Variants in AGMO observed in about 807,000 individuals in gnomAD.
AGMO encodes alkylglycerol monooxygenase.
A neutral mutation model predicts 60.2 loss-of-function variants in AGMO; 75 were observed. The ratio of observed to expected loss-of-function variants is 1.25; its 90% confidence interval spans 1.03 to 1.51. The LOEUF (loss-of-function observed/expected upper bound fraction) is 1.51. Ranked by LOEUF, AGMO falls within the 40% of genes most tolerant of loss-of-function variation. The probability of loss-of-function intolerance (pLI) is 0.00; values close to 1 mark genes in which losing one functional copy is unlikely to be tolerated. For synonymous variants in AGMO, 261 were observed against 177.1 expected (o/e 1.47, Z -3.76); for missense variants, 763 against 525.5 (o/e 1.45, Z -4.42).
intron 3 of AGMO, among the ~76,000 whole-genome samples, chr7:15,473,918 G>C (rs1426558179): frequency 1.1e-4 from 16 of 151,988 alleles, no homozygotes; most frequent in Admixed American, 1.1e-3. Context: ...TAGTCAATCA[G>C]AGAGCTAAAT....
At chr7:15,415,553 TATC>T (rs1562495743) in intron 5 of AGMO, among the ~76,000 whole-genome samples, 2 of 151,878 alleles carry the variant, frequency 1.3e-5, no homozygotes, top group Non-Finnish European at 1.5e-5. Flanking sequence ...GAAAAAAAAA[TATC>T]ATTGAATCAT....
At chr7:15,262,463 T>TGA (rs1451071678) in intron 12 of AGMO, among the ~76,000 whole-genome samples, 1 of 151,992 alleles carries the variant, frequency 6.6e-6, no homozygotes, top group African/African-American at 2.4e-5. Flanking sequence ...AAGACACTGC[T>TGA]GAAATAAATC....
chr7:15,540,694 G>A (rs1583665798), intron 3 of AGMO, among the ~76,000 whole-genome samples: 1 of 152,160 alleles, frequency 6.6e-6, no homozygotes, highest in Non-Finnish European at 1.5e-5. Flanking sequence ...GTTAAAAACT[G>A]TATAAGGTCA....
At chr7:15,239,226 A>T (rs1443203001) in intron 12 of AGMO, among the ~76,000 whole-genome samples, 2 of 152,132 alleles carry the variant, frequency 1.3e-5, no homozygotes, top group African/African-American at 4.8e-5. Context: ...TGCAGTAGTG[A>T]CTTGGCTAGG....
rs1429271474 is a variant in AGMO, at chr7:15,255,992, GA to G, written c.1264-54634del. Among the ~76,000 whole-genome samples the G allele has an allele frequency of 2.0e-5, 3 of 152,248 alleles. No homozygotes were observed. In the East Asian group the frequency reaches 5.8e-4, roughly 29 times the overall value. ...ATCAGGGAGGTGAAGATAATGAAAA[GA>G]AAAACACTCCATCAATTCAATGCCG... On this transcript the variant is annotated intron_variant, in intron 12 of 12. Coordinates refer to ENST00000342526, the MANE Select transcript of AGMO (RefSeq NM_001004320.2).
At chr7:15,368,800 G>T (rs1445568306) in intron 10 of AGMO, among the ~76,000 whole-genome samples, 1 of 152,036 alleles carries the variant, frequency 6.6e-6, no homozygotes, top group Admixed American at 6.6e-5. Flanking sequence ...TATTTACTTT[G>T]GTTAGGAAAT....
chr7:15,366,193 C>A lies in AGMO; in HGVS notation c.1104G>T (p.Arg368Ser), dbSNP rs765266538. The change falls in exon 11 of 13, where the codon AGG becomes AGT. Residue 368 changes from arginine (R) to serine (S), a missense_variant. Arg to Ser is a moderately radical substitution (Grantham distance 110). Transcript: ENST00000342526. ...TCAAGGTCAGGATAATGAAGCAAAC[C>A]CTCAGAAGGAGAGTAACTTGCGACA... is the stretch of plus-strand genomic sequence containing the variant. ...AALSQVTLLL[R>S]VCFIILTLTS... 1.9e-6 allele frequency: 3 copies of A among 1,608,488 alleles called. No individual in the cohort carries two copies. Among genetic ancestry groups the A allele is most frequent in the East Asian group, 2.3e-5 (1 of 44,412 alleles).
At chr7:15,464,157 A>C (rs1214787155) in intron 3 of AGMO, among the ~76,000 whole-genome samples, 1 of 152,202 alleles carries the variant, frequency 6.6e-6, no homozygotes, top group Non-Finnish European at 1.5e-5. Context: ...ATTAAAACAG[A>C]AATAAATGCA....
intron 12 of AGMO, among the ~76,000 whole-genome samples, chr7:15,298,908 G>T (rs1057273985): frequency 6.6e-6 from 1 of 151,640 alleles, no homozygotes; most frequent in East Asian, 1.9e-4. Context: ...TCTTTGTCTC[G>T]CTCACAGTCA....
intron 2 of AGMO, among the ~76,000 whole-genome samples, chr7:15,554,982 T>G (rs549266034): frequency 5.9e-5 from 9 of 151,902 alleles, no homozygotes; most frequent in African/African-American, 2.2e-4. Flanking sequence ...AGAAAGCAAG[T>G]GACATTTGGT....
chr7:15,359,566 AAT>A (rs781133352), intron 12 of AGMO, among the ~76,000 whole-genome samples: 16 of 152,154 alleles, frequency 1.1e-4, no homozygotes, highest in South Asian at 2.1e-4. Flanking sequence ...GCAGTTCTTA[AAT>A]ATGAGTCCAA....
At chr7:15,302,573 CAATT>C (rs1215234522) in intron 12 of AGMO, among the ~76,000 whole-genome samples, 1 of 152,018 alleles carries the variant, frequency 6.6e-6, no homozygotes, top group Non-Finnish European at 1.5e-5. Context: ...TTGAAAATGA[CAATT>C]AAAAAATACA....
At chr7:15,161,864 G>C in the AGMO span, among the ~76,000 whole-genome samples, 1 of 151,974 alleles carries the variant, frequency 6.6e-6, no homozygotes, top group South Asian at 2.1e-4. Context: ...CATTGTTCTT[G>C]TCTTCATGAA....
the AGMO span, among the ~76,000 whole-genome samples, chr7:15,124,485 A>G: frequency 3.9e-5 from 6 of 152,086 alleles, no homozygotes; most frequent in Non-Finnish European, 5.9e-5. Flanking sequence ...GGGGCAATTT[A>G]CAGTTTTCAA....
At chr7:15,272,740 C>T (rs1013227679) in intron 12 of AGMO, among the ~76,000 whole-genome samples, 2 of 152,164 alleles carry the variant, frequency 1.3e-5, no homozygotes, top group Non-Finnish European at 1.5e-5. Flanking sequence ...GTTTACAGTG[C>T]CACCAACAGT....
At chr7:15,385,091 T>C (rs1783860982) in intron 10 of AGMO, among the ~76,000 whole-genome samples, 2 of 152,200 alleles carry the variant, frequency 1.3e-5, no homozygotes, top group African/African-American at 4.8e-5. Context: ...TGAAGGTAAG[T>C]ATGTTGAAAC....
the AGMO span, among the ~76,000 whole-genome samples, chr7:15,182,549 G>A: frequency 2.1e-3 from 321 of 152,148 alleles, 2 homozygotes; most frequent in Admixed American, 7.1e-3. Context: ...CCGAGTAGCC[G>A]GGACTGCATG....
intron 3 of AGMO, among the ~76,000 whole-genome samples, chr7:15,522,395 C>A (rs77933960): frequency 0.78 from 118,345 of 152,072 alleles, 46,213 homozygotes; most frequent in East Asian, 0.97. Context: ...ATAGCCAAGA[C>A]AATCTAAGCA....
chr7:15,346,819 T>C lies in AGMO; in HGVS notation c.1263+18695A>G, dbSNP rs535702055. 6.3e-4 allele frequency among the ~76,000 whole-genome samples: 95 copies of C among 151,958 alleles called. 1 individual carries two copies. Among genetic ancestry groups the C allele is most frequent in the Admixed American group, 4.0e-3 (61 of 15,250 alleles). ...TCTGAATTGAACTGTATCTTATTAT[T>C]ATGATTTTAAAATTAGAACTTGTTT... On this transcript the variant is annotated intron_variant, in intron 12 of 12. Coordinates refer to ENST00000342526, the MANE Select transcript of AGMO (RefSeq NM_001004320.2).
Sources: allele counts gnomAD v4.1 joint callset (sites outside exome capture counted in the v4.1 genomes callset), GRCh38; gene constraint gnomAD v4.1.1; transcripts MANE v1.5; gene names NCBI Gene and HGNC (gene_info 2026-07-23, HGNC 2026-07-21).